Variants in ADGRG2 observed in about 807,000 individuals in gnomAD.
The protein encoded by ADGRG2 is adhesion G protein-coupled receptor G2, also known as G protein-coupled receptor 64.
In ADGRG2, 26 loss-of-function variants were observed where a neutral mutation model predicts 74.1. That is an observed-to-expected ratio of 0.35 (90% CI 0.26 to 0.49). The LOEUF (loss-of-function observed/expected upper bound fraction) is 0.49, where lower values mean the gene tolerates loss of function less well. ADGRG2 is among the 20% of genes least tolerant of loss of function. The pLI is 0.99. For missense variants in ADGRG2, 619 were observed against 763.1 expected (o/e 0.81, Z 2.22); for synonymous variants, 296 against 295.2 (o/e 1.00, Z -0.03).
At chrX:19,112,988 C>CAAAAAAAAAAAAAAA (rs756477082) in intron 1 of ADGRG2, among the ~76,000 whole-genome samples, 1 of 71,430 alleles carries the variant, frequency 1.4e-5, no homozygotes, top group Non-Finnish European at 2.8e-5. Context: ...AAAAAAAAAC[C>CAAAAAAAAAAAAAAA]AAAAAAAAAA....
At chrX:19,087,449 T>C (rs749559472) in intron 1 of ADGRG2, among the ~76,000 whole-genome samples, 3 of 111,342 alleles carry the variant, frequency 2.7e-5, no homozygotes, top group African/African-American at 9.8e-5. Flanking sequence ...TGTGGGGAAA[T>C]GGATCCAGGA....
intron 15 of ADGRG2, among the ~76,000 whole-genome samples, chrX:19,017,725 G>A (rs1371046929): frequency 8.9e-6 from 1 of 111,965 alleles, no homozygotes; most frequent in Non-Finnish European, 1.9e-5. Flanking sequence ...GCCCACAAAG[G>A]GCAGACAGGC....
chrX:19,111,241 A>G (rs1432846271), intron 1 of ADGRG2, among the ~76,000 whole-genome samples: 1 of 111,116 alleles, frequency 9.0e-6, no homozygotes, highest in Non-Finnish European at 1.9e-5. Context: ...ATTGAGTTTG[A>G]GATGCCTCTT....
chrX:19,073,889 C>T (rs1043589483), intron 2 of ADGRG2, among the ~76,000 whole-genome samples: 4 of 111,522 alleles, frequency 3.6e-5, no homozygotes, highest in African/African-American at 1.3e-4. Flanking sequence ...GACATTTATA[C>T]GGAGTCATAT....
In ADGRG2 at chrX:19,040,173, TA is replaced by T. The variant is rs750050878; in HGVS notation, c.154+15del. 20 of 1,102,073 alleles carry T rather than the reference TA, an allele frequency of 1.8e-5. No homozygotes were observed. The highest frequency in any genetic ancestry group is 1.5e-4 in the East Asian group (5 of 33,135). 90.8% of individuals were successfully genotyped at this position (1,102,073 alleles called of 1,213,427 possible). A position where few individuals can be genotyped will look rare whatever the true frequency, so the allele number is the denominator to read the frequency against. Reference sequence around the variant, plus strand: ...ATTTTCCTGAAATTCCCCAGAGTTCTAAAAAAACAACTTACCAGGTGGTGGT... The same window carrying T: ...ATTTTCCTGAAATTCCCCAGAGTTCTAAAAAACAACTTACCAGGTGGTGGT... On this transcript the variant is annotated intron_variant, in intron 4 of 28. Transcript: ENST00000379869.
intron 3 of ADGRG2, 149 bp from the exon 4 acceptor site, chrX:19,040,373 A>G: frequency 2.4e-6 from 1 of 409,876 alleles, no homozygotes; most frequent in Non-Finnish European, 4.3e-6. Context: ...CAGCCTCACT[A>G]CTGTAACAAT....
At chrX:19,074,601 G>A (rs1388219670) in intron 2 of ADGRG2, among the ~76,000 whole-genome samples, 38 of 58,552 alleles carry the variant, frequency 6.5e-4, no homozygotes, top group South Asian at 3.9e-3. Context: ...GCGGAGTCTC[G>A]CTCTGTCTCC....
intron 15 of ADGRG2, among the ~76,000 whole-genome samples, chrX:19,018,654 A>G (rs963451149): frequency 9.0e-6 from 1 of 111,672 alleles, no homozygotes; most frequent in Admixed American, 9.6e-5. Flanking sequence ...AAAATTTAGT[A>G]TAAGACAAAG....
intron 6 of ADGRG2, among the ~76,000 whole-genome samples, chrX:19,036,833 A>T (rs930205395): frequency 9.0e-6 from 1 of 111,445 alleles, no homozygotes; most frequent in Non-Finnish European, 1.9e-5. Flanking sequence ...CACCAACCAT[A>T]TGGTGAGATT....
At chrX:18,994,287 C>T (rs1418049583) in intron 28 of ADGRG2, among the ~76,000 whole-genome samples, 11 of 111,641 alleles carry the variant, frequency 9.9e-5, no homozygotes, top group African/African-American at 9.8e-5. Flanking sequence ...GTCAGGAGCT[C>T]GAGACTAGCC....
intron 1 of ADGRG2, among the ~76,000 whole-genome samples, chrX:19,102,512 C>T (rs1003588505): frequency 3.7e-5 from 4 of 109,093 alleles, no homozygotes; most frequent in African/African-American, 1.0e-4. Context: ...GGAGGCCCAT[C>T]GACCAGGTTC....
At chrX:19,105,679 G>GT (rs2062273258) in intron 1 of ADGRG2, among the ~76,000 whole-genome samples, 1 of 111,021 alleles carries the variant, frequency 9.0e-6, no homozygotes, top group Admixed American at 9.6e-5. Context: ...GTATACCTAT[G>GT]TAACAAACCT....
At chrX:19,101,101 TTGTGTGTGTGTG>T (rs10579733) in intron 1 of ADGRG2, among the ~76,000 whole-genome samples, 63 of 89,844 alleles carry the variant, frequency 7.0e-4, no homozygotes, top group African/African-American at 1.8e-3. Context: ...AATCATGAGA[TTGTGTGTGTGTG>T]TGTGTGTGTG....
At chrX:19,114,439 C>T (rs927694085) in intron 1 of ADGRG2, among the ~76,000 whole-genome samples, 18 of 111,522 alleles carry the variant, frequency 1.6e-4, no homozygotes, top group Non-Finnish European at 1.9e-5. Context: ...GGAACAAGAC[C>T]TGGACATCGG....
At chrX:19,111,942 G>A (rs750564463) in intron 1 of ADGRG2, among the ~76,000 whole-genome samples, 1 of 111,140 alleles carries the variant, frequency 9.0e-6, no homozygotes, top group Non-Finnish European at 1.9e-5. Flanking sequence ...TCAATAAATA[G>A]GGGAGAAGGA....
At chrX:19,069,430 AG>A in intron 2 of ADGRG2, among the ~76,000 whole-genome samples, 1 of 111,037 alleles carries the variant, frequency 9.0e-6, no homozygotes, top group Non-Finnish European at 1.9e-5. Flanking sequence ...TGATATGGAC[AG>A]GAGGCAGGGA....
intron 1 of ADGRG2, among the ~76,000 whole-genome samples, chrX:19,106,747 C>T (rs1050002774): frequency 3.6e-5 from 4 of 110,068 alleles, no homozygotes; most frequent in Non-Finnish European, 7.6e-5. Context: ...GGTGAAACCC[C>T]GTCTCTACTA....
chrX:19,010,384 G>A (rs1292536400), intron 17 of ADGRG2, among the ~76,000 whole-genome samples: 1 of 111,600 alleles, frequency 9.0e-6, no homozygotes, highest in African/African-American at 3.3e-5. Flanking sequence ...GCCTCCCAGA[G>A]TGGTGGGATT....
intron 21 of ADGRG2, 25 bp downstream of exon 21, chrX:19,006,195 T>C (rs1963935370): frequency 8.6e-7 from 1 of 1,162,474 alleles, no homozygotes; most frequent in African/African-American, 1.8e-5. Context: ...CTCAAGAGTT[T>C]GAAAAGGTTA....
Sources: allele counts gnomAD v4.1 joint callset (sites outside exome capture counted in the v4.1 genomes callset), GRCh38; gene constraint gnomAD v4.1.1; transcripts MANE v1.5; gene names NCBI Gene and HGNC (gene_info 2026-07-23, HGNC 2026-07-21).